The following NHSL2 variants were observed in gnomAD, a reference collection of about 807,000 sequenced individuals.
NHSL2 encodes NHS-like protein 2.
Under a neutral mutation model 53.4 loss-of-function variants are expected in NHSL2, and 27 were observed. The observed-to-expected ratio is 0.51, with a 90% CI of 0.37 to 0.70. NHSL2 has a LOEUF of 0.70. Ranked by LOEUF, NHSL2 falls within the 30% of genes least tolerant of loss-of-function variation. The pLI is 0.00. For synonymous variants in NHSL2, 408 were observed against 404.1 expected, an observed-to-expected ratio of 1.01 and a Z score of -0.12; for missense variants, 892 against 980.1, an observed-to-expected ratio of 0.91 and a Z score of 1.20.
At position 71,914,947 on chromosome X, in the gene NHSL2, C is replaced by T. The variant is rs149059565; in HGVS notation, c.280+3580C>T. ...TTTGTCTCTGTGGTACGTTTCATCC[C>T]GAGGCTCTTGGGACAGAGGGTTGAC... On this transcript the variant is annotated intron_variant, in intron 1 of 7. Transcript: ENST00000633930. 4.3e-3 allele frequency among the ~76,000 whole-genome samples: 469 copies of T among 110,010 alleles called. 2 individuals carry two copies. Among genetic ancestry groups the T allele is most frequent in the African/African-American group, 0.015 (445 of 30,214 alleles).
chrX:72,043,506 A>G (rs1350923674), intron 1 of NHSL2, among the ~76,000 whole-genome samples: 2 of 111,524 alleles, frequency 1.8e-5, no homozygotes, highest in African/African-American at 6.5e-5. Flanking sequence ...AAGTTTCCTT[A>G]GGAAATTGCC....
chrX:72,075,929 T>TG (rs72298621), intron 1 of NHSL2, among the ~76,000 whole-genome samples: 4 of 85,377 alleles, frequency 4.7e-5, no homozygotes, highest in Non-Finnish European at 7.2e-5. Context: ...TGTGTGTGTG[T>TG]TGTGTGTGTA....
At chrX:72,141,062 A>AC in intron 6 of NHSL2, 1 of 220,246 alleles carries the variant, frequency 4.5e-6, no homozygotes, top group Non-Finnish European at 8.7e-6. Flanking sequence ...GCACCCTAGG[A>AC]CTTCAGCATC....
chrX:72,143,789 G>A lies in NHSL2; in HGVS notation c.*215G>A. Reference sequence around the variant, plus strand: ...CATTTTTATGTTTTCATACTTATAAGCTTGTCATGACTGACTACCGAGTTT... The same window carrying A: ...CATTTTTATGTTTTCATACTTATAAACTTGTCATGACTGACTACCGAGTTT... On this transcript the variant is annotated 3_prime_UTR_variant, in exon 8 of 8. Coordinates refer to ENST00000633930, the MANE Select transcript of NHSL2 (RefSeq NM_001013627.3). The A allele has an allele frequency of 3.1e-6, 1 of 321,532 alleles. No homozygotes were observed. The highest frequency in any genetic ancestry group is 5.4e-6 in the Non-Finnish European group (1 of 185,140). The allele number at this position is 321,532 out of a possible 1,213,427, so 26.5% of individuals were successfully genotyped here. A position where few individuals can be genotyped will look rare whatever the true frequency, so the allele number is the denominator to read the frequency against.
At chrX:72,136,181 C>T (rs1268449317) in intron 4 of NHSL2, among the ~76,000 whole-genome samples, 1 of 111,335 alleles carries the variant, frequency 9.0e-6, no homozygotes, top group Non-Finnish European at 1.9e-5. Flanking sequence ...AGACCTCGCC[C>T]CACCACCCTG....
chrX:72,032,369 G>C (rs1318277092), intron 1 of NHSL2, among the ~76,000 whole-genome samples: 2 of 110,952 alleles, frequency 1.8e-5, no homozygotes, highest in Non-Finnish European at 3.8e-5. Flanking sequence ...ACTCCAGCCT[G>C]GGCGAAAGAG....
At chrX:71,961,313 A>C (rs2147849297) in intron 1 of NHSL2, among the ~76,000 whole-genome samples, 1 of 111,037 alleles carries the variant, frequency 9.0e-6, no homozygotes. Context: ...TCATATGTGA[A>C]TAGAGATAGT....
chrX:72,130,867 C>G lies in NHSL2; in HGVS notation c.281-1212C>G. ...GGGGATGGGGCCACAGAATTCCTTA[C>G]GGATTTCATCCAGGAAGCGCGGGAA... On this transcript the variant is annotated intron_variant, in intron 1 of 7. Coordinates refer to ENST00000633930, the MANE Select transcript of NHSL2 (RefSeq NM_001013627.3). 3.3e-6 allele frequency: 4 copies of G among 1,211,724 alleles called. No homozygotes were observed. The highest frequency in any genetic ancestry group is 4.5e-6 in the Non-Finnish European group (4 of 895,397).
intron 1 of NHSL2, among the ~76,000 whole-genome samples, chrX:71,934,090 G>A (rs1273357496): frequency 9.0e-6 from 1 of 110,555 alleles, no homozygotes; most frequent in Non-Finnish European, 1.9e-5. Flanking sequence ...ACTAAATTCT[G>A]CCTACTCACT....
chrX:72,127,630 G>GAAGAATAGCAGGTCC (rs2042239155), intron 1 of NHSL2: 1 of 103,707 alleles, frequency 9.6e-6, no homozygotes, highest in Non-Finnish European at 2.0e-5. Flanking sequence ...AGGGTCCACT[G>GAAGAATAGCAGGTCC]CCTCGAAGAA....
intron 1 of NHSL2, among the ~76,000 whole-genome samples, chrX:71,937,135 T>A (rs2041742839): frequency 8.9e-6 from 1 of 111,973 alleles, no homozygotes; most frequent in Non-Finnish European, 1.9e-5. Flanking sequence ...TAGAAGACAG[T>A]TGAGGAGTTA....
At chrX:71,911,750 G>A (rs920102877) in intron 1 of NHSL2, among the ~76,000 whole-genome samples, 1 of 112,966 alleles carries the variant, frequency 8.9e-6, no homozygotes, top group Non-Finnish European at 1.9e-5. Context: ...CGCGTCGGGA[G>A]CTAAATGGCC....
At chrX:72,070,197 C>G (rs1183022175) in intron 1 of NHSL2, among the ~76,000 whole-genome samples, 2 of 103,785 alleles carry the variant, frequency 1.9e-5, no homozygotes, top group African/African-American at 7.1e-5. Flanking sequence ...AACATGTACA[C>G]CTACACCTCT....
intron 1 of NHSL2, among the ~76,000 whole-genome samples, chrX:72,101,783 G>A (rs186197569): frequency 8.8e-4 from 98 of 111,336 alleles, no homozygotes; most frequent in African/African-American, 2.8e-3. Context: ...CTCCAGCCCT[G>A]CAGCCTAGAA....
At chrX:72,044,033 C>T (rs1159237237) in intron 1 of NHSL2, among the ~76,000 whole-genome samples, 1 of 111,774 alleles carries the variant, frequency 8.9e-6, no homozygotes. Context: ...AGCTACCAGG[C>T]TAGTTGAGAG....
At chrX:71,931,061 G>A (rs2041710597) in intron 1 of NHSL2, among the ~76,000 whole-genome samples, 1 of 112,131 alleles carries the variant, frequency 8.9e-6, no homozygotes, top group South Asian at 3.7e-4. Flanking sequence ...ACCAATACTT[G>A]TTATTTTCTG....
chrX:71,998,249 G>A (rs1472870502), intron 1 of NHSL2, among the ~76,000 whole-genome samples: 1 of 112,474 alleles, frequency 8.9e-6, no homozygotes, highest in East Asian at 2.8e-4. Context: ...AGCTTAACTT[G>A]TAATGGAAGG....
intron 1 of NHSL2, among the ~76,000 whole-genome samples, chrX:72,054,432 A>G (rs1183465649): frequency 9.0e-6 from 1 of 111,662 alleles, no homozygotes; most frequent in African/African-American, 3.3e-5. Context: ...CTTTCAGAGA[A>G]TGACATGCTC....
In NHSL2 at chrX:71,976,661, C is replaced by T. The variant is rs1440848029; in HGVS notation, c.280+65294C>T. On this transcript the variant is annotated intron_variant, in intron 1 of 7. Coordinates refer to ENST00000633930, the MANE Select transcript of NHSL2 (RefSeq NM_001013627.3). Reference sequence around the variant, plus strand: ...CTGTGAGGCAGCTGCTATGATTATCCTCATTTCACAGATGAGCAAACTGAG... The same window carrying T: ...CTGTGAGGCAGCTGCTATGATTATCTTCATTTCACAGATGAGCAAACTGAG... Among the ~76,000 whole-genome samples the T allele has an allele frequency of 2.7e-5, 3 of 111,992 alleles. No individual in the cohort carries two copies. The East Asian group carries it at 8.4e-4, about 31-fold the overall frequency.
Sources: allele counts gnomAD v4.1 joint callset (sites outside exome capture counted in the v4.1 genomes callset), GRCh38; gene constraint gnomAD v4.1.1; transcripts MANE v1.5; gene names NCBI Gene and HGNC (gene_info 2026-07-23, HGNC 2026-07-21).